The following BSCL2 variants were observed in gnomAD, a reference collection of about 807,000 sequenced individuals.
BSCL2 encodes BSCL2 lipid droplet biogenesis associated, seipin, also known as seipin.
In BSCL2, 41 loss-of-function variants were observed where a neutral mutation model predicts 57.4. The observed-to-expected ratio is 0.71, with a 90% CI of 0.56 to 0.93. The LOEUF (loss-of-function observed/expected upper bound fraction) is 0.93. Ranked by LOEUF, BSCL2 falls within the 40% of genes least tolerant of loss-of-function variation. The pLI is 0.00. For synonymous variants in BSCL2, 237 were observed against 227.3 expected (o/e 1.04, Z -0.38); for missense variants, 539 against 586.7 (o/e 0.92, Z 0.84).
Position 62,693,302 on chromosome 11 carries a change from G to A in BSCL2, c.631-505C>T, listed in dbSNP as rs551832331. Among the ~76,000 whole-genome samples, 6 of 152,156 alleles carry A rather than the reference G, an allele frequency of 3.9e-5. No individual in the cohort carries two copies. The South Asian group carries it at 1.2e-3, about 32-fold the overall frequency. ...TTGAATCATTTGAGATCAGGAGTTC[G>A]AGACCAGCCTGGTCAACATGGTGAA... On this transcript the variant is annotated intron_variant, in intron 4 of 10. Transcript: ENST00000360796.
intron 2 of BSCL2, among the ~76,000 whole-genome samples, chr11:62,704,642 C>T (rs1168575834): frequency 6.6e-6 from 1 of 151,718 alleles, no homozygotes; most frequent in Non-Finnish European, 1.5e-5. Flanking sequence ...ATCCCAGCTA[C>T]TTGGGAGGCT....
chr11:62,693,965 C>G (rs1478274086), intron 4 of BSCL2, among the ~76,000 whole-genome samples: 2 of 152,040 alleles, frequency 1.3e-5, no homozygotes, highest in African/African-American at 2.4e-5. Context: ...CAAGCATGCA[C>G]CACCATGCCC....
At chr11:62,692,302 T>A in intron 6 of BSCL2, 74 bp downstream of exon 6, 1 of 1,488,542 alleles carries the variant, frequency 6.7e-7, no homozygotes, top group Non-Finnish European at 9.3e-7. Flanking sequence ...CCATTACCTC[T>A]GCTTGGGACC....
At chr11:62,707,501 G>T (rs545513606), upstream of BSCL2, 1 of 638,060 alleles carries the variant, frequency 1.6e-6, no homozygotes, top group Non-Finnish European at 2.8e-6. Flanking sequence ...TTTGAGAGGG[G>T]GAGTCGGCCT....
chr11:62,695,507 G>A (rs573158121), intron 3 of BSCL2, among the ~76,000 whole-genome samples: 25 of 141,692 alleles, frequency 1.8e-4, no homozygotes, highest in East Asian at 2.1e-4. Flanking sequence ...TCAGGAGTTC[G>A]AGACCAGCCT....
At chr11:62,704,865 A>AT (rs1945771677) in intron 2 of BSCL2, among the ~76,000 whole-genome samples, 2 of 152,186 alleles carry the variant, frequency 1.3e-5, no homozygotes, top group Admixed American at 1.3e-4. Flanking sequence ...TTATGTTTCC[A>AT]TAATCTCTAT....
chr11:62,700,881 A>G (rs1415404958), intron 3 of BSCL2, among the ~76,000 whole-genome samples: 2 of 151,730 alleles, frequency 1.3e-5, no homozygotes, highest in Admixed American at 1.3e-4. Flanking sequence ...TGATCCCAGG[A>G]GTTGGAGGTT....
In BSCL2 at chr11:62,702,615, T is replaced by C. The variant is rs567209324; in HGVS notation, c.405-66A>G. The C allele has an allele frequency of 1.7e-5, 24 of 1,415,720 alleles. No individual in the cohort carries two copies. In the African/African-American group the frequency reaches 2.3e-4, roughly 13 times the overall value. 87.7% of individuals were successfully genotyped at this position (1,415,720 alleles called of 1,614,324 possible). On this transcript the variant is annotated intron_variant, in intron 2 of 10. Coordinates refer to ENST00000360796, the MANE Select transcript of BSCL2 (RefSeq NM_001122955.4). ...TACTAGTCCATCCATACACCTTCTT[T>C]GCCCCCTAGGGCTCCCTCCTGCCCT...
intron 3 of BSCL2, among the ~76,000 whole-genome samples, chr11:62,697,058 C>T (rs1590875727): frequency 6.6e-6 from 1 of 151,932 alleles, no homozygotes; most frequent in East Asian, 1.9e-4. Context: ...AAATTAATCT[C>T]CTCCAAAGGG....
At position 62,692,377 on chromosome 11, in the gene BSCL2, T is replaced by C; in HGVS notation, c.862A>G (p.Arg288Gly). Residue 288 changes from arginine to glycine, a missense_variant and splice_region_variant, in exon 6 of 11, where the codon AGA becomes GGA. Physicochemically the swap from Arg to Gly is moderately radical, Grantham distance 125 (BLOSUM62 -2). Coordinates refer to ENST00000360796, the MANE Select transcript of BSCL2 (RefSeq NM_001122955.4). Reference protein sequence around the residue: ...LRIHAHFTGLRYLLYNFPMTC... With the variant: ...LRIHAHFTGLGYLLYNFPMTC... ...GGTTCACTCCAGTTGGCCCCTCACC[T>C]GAGCCCAGTGAAGTGCGCGTGGATG... 6.2e-7 allele frequency: 1 copy of C among 1,614,126 alleles called. No homozygotes were observed. The highest frequency in any genetic ancestry group is 8.5e-7 in the Non-Finnish European group (1 of 1,179,986).
chr11:62,696,930 G>A (rs1198827723), intron 3 of BSCL2, among the ~76,000 whole-genome samples: 2 of 151,658 alleles, frequency 1.3e-5, no homozygotes, highest in East Asian at 1.9e-4. Context: ...CCCAGCTGCT[G>A]AGGAGACTGA....
chr11:62,699,211 T>C (rs375520426), intron 3 of BSCL2, among the ~76,000 whole-genome samples: 1 of 147,808 alleles, frequency 6.8e-6, no homozygotes, highest in African/African-American at 2.5e-5. Flanking sequence ...CCCCTAATTT[T>C]TTCTGAGATG....
At chr11:62,695,711 CAAAAAAAAAA>C (rs398016310) in intron 3 of BSCL2, among the ~76,000 whole-genome samples, 28 of 66,430 alleles carry the variant, frequency 4.2e-4, no homozygotes, top group African/African-American at 1.4e-3. Context: ...AACTCTGTCT[CAAAAAAAAAA>C]AAAAAAAAAA....
chr11:62,696,263 T>A (rs1335023805), intron 3 of BSCL2, among the ~76,000 whole-genome samples: 2 of 149,010 alleles, frequency 1.3e-5, no homozygotes, highest in Non-Finnish European at 3.0e-5. Context: ...TTAAGCCAGT[T>A]GCTTCATAAA....
At chr11:62,706,266 G>C in intron 1 of BSCL2, 1 of 1,090,560 alleles carries the variant, frequency 9.2e-7, no homozygotes, top group Non-Finnish European at 1.1e-6. Flanking sequence ...CACCAGCCTC[G>C]CGCGCTGCCA....
In BSCL2 at chr11:62,691,402, G is replaced by T. The variant is rs935812889; in HGVS notation, c.883C>A (p.Pro295Thr). ...TGLRYLLYNF[P>T]MTCAFIGVAS... is the part of the protein sequence containing the mutation. ...ACACCTATGAAGGCGCAGGTCATCG[G>T]GAAGTTGTATAGCAGGTATCTGAGG... Residue 295 changes from proline to threonine, a missense_variant, in exon 7 of 11, where the codon CCG becomes ACG. Pro to Thr is a conservative substitution (Grantham distance 38). Transcript: ENST00000360796. 6.2e-7 allele frequency: 1 copy of T among 1,614,182 alleles called. No individual in the cohort carries two copies. The highest frequency in any genetic ancestry group is 1.3e-5 in the African/African-American group (1 of 75,042).
chr11:62,690,421 G>A lies in BSCL2; in HGVS notation c.1335C>T (p.Ser445=), dbSNP rs752558297. The change falls in exon 11 of 11, where the codon AGC becomes AGT. Residue 445 remains serine (S), a synonymous_variant. Transcript: ENST00000360796. ...GGAGAGCACCCCCAGCAGGTTCAGA[G>A]CTGCCCAGAGTCTCTAGGACAGGGG... ...ASAPVLETLG[S]SEPAGGALRQ... is the part of the protein sequence containing the mutation. 1 of 1,614,156 alleles carries A rather than the reference G, an allele frequency of 6.2e-7. No homozygotes were observed. Among genetic ancestry groups the A allele is most frequent in the Non-Finnish European group, 8.5e-7 (1 of 1,180,020 alleles).
chr11:62,707,572 G>A, upstream of BSCL2: 10 of 584,298 alleles, frequency 1.7e-5, no homozygotes, highest in Admixed American at 3.0e-5. Context: ...AATGGGGGAG[G>A]GGCAGGCAGT....
At chr11:62,693,275 G>A (rs1233420950) in intron 4 of BSCL2, among the ~76,000 whole-genome samples, 2 of 152,104 alleles carry the variant, frequency 1.3e-5, no homozygotes, top group African/African-American at 4.8e-5. Flanking sequence ...AGGCTGAGGT[G>A]GTTGAATCAT....
Sources: gnomAD v4.1 joint callset for allele counts (sites outside exome capture counted in the v4.1 genomes callset) on GRCh38, gnomAD v4.1.1 for gene constraint, MANE v1.5 for transcripts, NCBI Gene and HGNC (gene_info 2026-07-23, HGNC 2026-07-21) for gene names.